Variants in MED9 observed in about 807,000 individuals in gnomAD.
MED9 encodes the protein mediator complex subunit 9.
Under a neutral mutation model 13.2 loss-of-function variants are expected in MED9, and 8 were observed. The observed-to-expected ratio is 0.61, with a 90% CI of 0.36 to 1.10. The LOEUF is 1.10. Among genes scored for constraint, MED9 ranks in the 50% least tolerant of loss-of-function variants. The pLI is 0.02. For synonymous variants in MED9, 87 were observed against 82.8 expected (o/e 1.05, Z -0.28); for missense variants, 180 against 193.4 (o/e 0.93, Z 0.41).
intron 1 of MED9, chr17:17,487,207 C>G (rs967228046): frequency 6.6e-6 from 1 of 152,258 alleles, no homozygotes. Flanking sequence ...CACCAATCAG[C>G]GCCGTGACAA....
intron 1 of MED9, chr17:17,485,226 C>T (rs772030600): frequency 2.5e-5 from 10 of 393,908 alleles, no homozygotes; most frequent in South Asian, 2.7e-4. Context: ...GACAGGGTTT[C>T]GTCTCTGTCT....
At chr17:17,490,122 T>A (rs1165809435) in intron 1 of MED9, among the ~76,000 whole-genome samples, 1 of 152,244 alleles carries the variant, frequency 6.6e-6, no homozygotes, top group Non-Finnish European at 1.5e-5. Flanking sequence ...CAAAAGCTCA[T>A]CCACTTACTA....
Position 17,491,291 on chromosome 17 carries a change from C to T in MED9, c.237C>T (p.Asp79=), listed in dbSNP as rs2142478473. 1 of 1,613,286 alleles carries T rather than the reference C, an allele frequency of 6.2e-7. No individual in the cohort carries two copies. The highest frequency in any genetic ancestry group is 8.5e-7 in the Non-Finnish European group (1 of 1,179,876). Residue 79 remains aspartate (D), a synonymous_variant, in exon 2 of 2, where the codon GAC becomes GAT. Transcript: ENST00000268711. ...TCTTCCCCCACAGCATGGACAAGGACAGCCCGGAGGTCCACCAGGACCTGA... is the reference window on the plus strand; with the variant it reads ...TCTTCCCCCACAGCATGGACAAGGATAGCCCGGAGGTCCACCAGGACCTGA... ...VHNIIKCMDK[D]SPEVHQDLNA...
Position 17,477,210 on chromosome 17 carries a change from G to A in MED9, c.169G>A (p.Ala57Thr). The A allele has an allele frequency of 4.3e-6, 7 of 1,610,582 alleles. No homozygotes were observed. Among genetic ancestry groups the A allele is most frequent in the Non-Finnish European group, 5.9e-6 (7 of 1,178,088 alleles). ...PAPRPQSPARAREEENYSFLP... is the reference protein window; with the variant it reads ...PAPRPQSPARTREEENYSFLP... ...GCCACGGCCTCAGTCACCTGCCCGC[G>A]CGAGGGAGGAAGAGAACTACTCCTT... The change falls in exon 1 of 2, where the codon GCG becomes ACG. Residue 57 changes from alanine to threonine, a missense_variant. Physicochemically the swap from Ala to Thr is moderately conservative, Grantham distance 58. Transcript: ENST00000268711.
rs931546956 is a variant in MED9, at chr17:17,491,582, C to T, written c.*87C>T. 6 of 1,259,880 alleles carry T rather than the reference C, an allele frequency of 4.8e-6. No homozygotes were observed. In the African/African-American group the frequency reaches 5.9e-5, roughly 12 times the overall value. The allele number at this position is 1,259,880 out of a possible 1,614,324, so 78.0% of individuals were successfully genotyped here. On this transcript the variant is annotated 3_prime_UTR_variant, in exon 2 of 2. Transcript: ENST00000268711. ...CCAAACGCTCCTTGGGGCGTGGTTC[C>T]TGTGGACCCCAGCTCAGCTCGTCAA... is the stretch of plus-strand genomic sequence containing the variant.
At chr17:17,477,290 C>A in intron 1 of MED9, 25 bp downstream of exon 1, 1 of 1,543,986 alleles carries the variant, frequency 6.5e-7, no homozygotes, top group Non-Finnish European at 8.8e-7. Flanking sequence ...GAGGACCAGG[C>A]CCCATACTCC....
In MED9 at chr17:17,483,322, A is replaced by G. The variant is rs866560523; in HGVS notation, c.224+6057A>G. ...TAGGCCTTTACTCAGGGATCTCTGC[A>G]GACCATTTTCAGATTGTCTGCCTGA... is the stretch of plus-strand genomic sequence containing the variant. On this transcript the variant is annotated intron_variant, in intron 1 of 1. Coordinates refer to ENST00000268711, the MANE Select transcript of MED9 (RefSeq NM_018019.3). The surrounding 1 kb of genome is among the most constrained non-coding windows in gnomAD (Gnocchi z 4.2). Among the ~76,000 whole-genome samples the G allele has an allele frequency of 3.7e-4, 57 of 152,236 alleles. No individual in the cohort carries two copies. The highest frequency in any genetic ancestry group is 1.3e-3 in the African/African-American group (55 of 41,466).
chr17:17,483,862 G>A lies in MED9; in HGVS notation c.224+6597G>A, dbSNP rs779325601. Among the ~76,000 whole-genome samples, 10 of 151,690 alleles carry A rather than the reference G, an allele frequency of 6.6e-5. No individual in the cohort carries two copies. In the South Asian group the frequency reaches 1.5e-3, roughly 22 times the overall value. On this transcript the variant is annotated intron_variant, in intron 1 of 1. Transcript: ENST00000268711. The surrounding 1 kb of genome is among the most constrained non-coding windows in gnomAD (Gnocchi z 4.2). ...TGAGGCAGGAGAATCGCTTGAACCC[G>A]GGAGGCGGAGGTTGCAGTGAGCCAC...
chr17:17,485,078 C>G (rs1289950659), intron 1 of MED9: 1 of 290,266 alleles, frequency 3.4e-6, no homozygotes, highest in Non-Finnish European at 6.3e-6. Flanking sequence ...TGTCTTGGCT[C>G]ACTGCAATCT....
chr17:17,477,219 G>A lies in MED9; in HGVS notation c.178G>A (p.Glu60Lys). Reference protein sequence around the residue: ...RPQSPARAREEENYSFLPLVH... With the variant: ...RPQSPARAREKENYSFLPLVH... ...TCAGTCACCTGCCCGCGCGAGGGAG[G>A]AAGAGAACTACTCCTTTTTACCTTT... is the stretch of plus-strand genomic sequence containing the variant. Residue 60 changes from glutamate to lysine, a missense_variant, in exon 1 of 2, where the codon GAA (glutamate) becomes AAA (lysine). Coordinates refer to ENST00000268711, the MANE Select transcript of MED9 (RefSeq NM_018019.3). The A allele has an allele frequency of 6.2e-7, 1 of 1,610,226 alleles. No homozygotes were observed. Among genetic ancestry groups the A allele is most frequent in the South Asian group, 1.1e-5 (1 of 90,770 alleles).
intron 1 of MED9, among the ~76,000 whole-genome samples, chr17:17,480,733 G>A (rs942324026): frequency 1.3e-5 from 2 of 152,202 alleles, no homozygotes; most frequent in Admixed American, 6.5e-5. Flanking sequence ...AAAAAGCCAC[G>A]TGGAGGAAAC....
At chr17:17,481,831 A>G (rs1905037741) in intron 1 of MED9, among the ~76,000 whole-genome samples, 1 of 152,234 alleles carries the variant, frequency 6.6e-6, no homozygotes, top group African/African-American at 2.4e-5. Flanking sequence ...GGCATAGGGT[A>G]CAAACATTTT....
At position 17,492,420 on chromosome 17, in the gene MED9, A is replaced by G. The variant is rs781042875; in HGVS notation, c.*925A>G. 6.6e-6 allele frequency: 1 copy of G among 152,166 alleles called. No individual in the cohort carries two copies. The highest frequency in any genetic ancestry group is 2.4e-5 in the African/African-American group (1 of 41,414). The allele number at this position is 152,166 out of a possible 1,614,324, so 9.4% of individuals were successfully genotyped here. On this transcript the variant is annotated 3_prime_UTR_variant, in exon 2 of 2. Coordinates refer to ENST00000268711, the MANE Select transcript of MED9 (RefSeq NM_018019.3). ...CACTTGCGGCAGCAACGTGTACTAC[A>G]CTGCAGAAGGGTTCAGTATGCACCT...
In MED9 at chr17:17,491,725, C is replaced by G; in HGVS notation, c.*230C>G. The G allele has an allele frequency of 3.9e-6, 2 of 518,718 alleles. No individual in the cohort carries two copies. The highest frequency in any genetic ancestry group is 6.5e-5 in the Admixed American group (2 of 30,652). The allele number at this position is 518,718 out of a possible 1,614,324, so 32.1% of individuals were successfully genotyped here. A position where few individuals can be genotyped will look rare whatever the true frequency, so the allele number is the denominator to read the frequency against. ...ATCCATATGTCTAGATGCATAATAA[C>G]TGGAGTGCCTGCTGGTGGAAGTCAG... is the stretch of plus-strand genomic sequence containing the variant. On this transcript the variant is annotated 3_prime_UTR_variant, in exon 2 of 2. Coordinates refer to ENST00000268711, the MANE Select transcript of MED9 (RefSeq NM_018019.3).
chr17:17,484,390 G>A (rs150344180), intron 1 of MED9, among the ~76,000 whole-genome samples: 22 of 152,356 alleles, frequency 1.4e-4, no homozygotes, highest in African/African-American at 4.6e-4. Context: ...TGGCCTGGCC[G>A]CTTCAGCAGG....
intron 1 of MED9, among the ~76,000 whole-genome samples, chr17:17,480,290 AAG>A (rs1253275842): frequency 4.6e-5 from 7 of 152,112 alleles, no homozygotes; most frequent in African/African-American, 9.7e-5. Context: ...TTGGCAGCCA[AAG>A]AGAGTGGAAG....
chr17:17,491,187 G>A (rs1334614185), intron 1 of MED9, 92 bp from the exon 2 acceptor site: 2 of 1,203,978 alleles, frequency 1.7e-6, no homozygotes, highest in South Asian at 2.5e-5. Flanking sequence ...AAAAGCTATG[G>A]CAGGAATGAC....
At position 17,492,237 on chromosome 17, in the gene MED9, GCCAAAC is replaced by G. The variant is rs1245101974; in HGVS notation, c.*744_*749del. On this transcript the variant is annotated 3_prime_UTR_variant, in exon 2 of 2. Coordinates refer to ENST00000268711, the MANE Select transcript of MED9 (RefSeq NM_018019.3). ...CACCCTCAGTCAGTGCCCAAGAGTG[GCCAAAC>G]CGCTTCACATCTGCAGTGCTTCCCC... is the stretch of plus-strand genomic sequence containing the variant. 1.3e-5 allele frequency: 2 copies of G among 152,732 alleles called. No individual in the cohort carries two copies. Among genetic ancestry groups the G allele is most frequent in the East Asian group, 1.9e-4 (1 of 5,204 alleles). 9.5% of individuals were successfully genotyped at this position (152,732 alleles called of 1,614,324 possible).
intron 1 of MED9, among the ~76,000 whole-genome samples, chr17:17,481,207 C>T (rs1030568340): frequency 6.6e-6 from 1 of 152,154 alleles, no homozygotes; most frequent in Non-Finnish European, 1.5e-5. Context: ...GAGATGAGGG[C>T]TGGGACCATG....
Sources: gnomAD v4.1 joint callset for allele counts (sites outside exome capture counted in the v4.1 genomes callset) on GRCh38, gnomAD v4.1.1 for gene constraint, Gnocchi (gnomAD v3.1) non-coding constraint, MANE v1.5 for transcripts, NCBI Gene and HGNC (gene_info 2026-07-23, HGNC 2026-07-21) for gene names.